Variants in CAMTA2 observed in about 807,000 individuals in gnomAD.
CAMTA2 encodes the protein calmodulin binding transcription activator 2.
CAMTA2 carries 56 observed loss-of-function variants against 135.7 expected under a neutral mutation model. The observed-to-expected ratio is 0.41, with a 90% CI of 0.33 to 0.52. The LOEUF is 0.52. Ranked by LOEUF, CAMTA2 falls within the 20% of genes least tolerant of loss-of-function variation. CAMTA2 has a pLI of 0.16. For missense variants in CAMTA2, 1,358 were observed against 1,553.4 expected, an observed-to-expected ratio of 0.87 and a Z score of 2.11; for synonymous variants, 591 against 604.6, an observed-to-expected ratio of 0.98 and a Z score of 0.33.
chr17:4,987,588 C>T lies in CAMTA2; in HGVS notation c.-65+5G>A. ...GAGAGGCGGGCGAGAGGCCCTGGCT[C>T]TTACCTCCCGGGGTCCCGCGGGTGA... On this transcript the variant is annotated splice_donor_5th_base_variant and intron_variant, in intron 1 of 22. Coordinates refer to ENST00000348066, the MANE Select transcript of CAMTA2 (RefSeq NM_015099.4). 1.3e-6 allele frequency: 2 copies of T among 1,526,272 alleles called. No homozygotes were observed. The highest frequency in any genetic ancestry group is 1.8e-6 in the Non-Finnish European group (2 of 1,142,372). The allele number at this position is 1,526,272 out of a possible 1,614,324, so 94.5% of individuals were successfully genotyped here. A position where few individuals can be genotyped will look rare whatever the true frequency, so the allele number is the denominator to read the frequency against.
intron 11 of CAMTA2, among the ~76,000 whole-genome samples, chr17:4,975,168 G>A (rs1972539303): frequency 6.6e-6 from 1 of 152,174 alleles, no homozygotes; most frequent in African/African-American, 2.4e-5. Flanking sequence ...ACAAGAAGGG[G>A]AGGCAGGAGG....
chr17:4,980,590 G>A lies in CAMTA2; in HGVS notation c.732C>T (p.Ser244=). ...GSGSLTHKCS[S]TKHRIISPKV... ...TGGGAGAGATGATGCGGTGTTTCGT[G>A]CTGCTGCATTTGTGGGTAAGGCTCC... is the stretch of plus-strand genomic sequence containing the variant. Residue 244 remains serine (S), a synonymous_variant, in exon 9 of 23, where the codon AGC becomes AGT. Coordinates refer to ENST00000348066, the MANE Select transcript of CAMTA2 (RefSeq NM_015099.4). The surrounding 1 kb of genome is among the most constrained non-coding windows in gnomAD (Gnocchi z 5.3). 6.2e-7 allele frequency: 1 copy of A among 1,614,048 alleles called. No homozygotes were observed. The highest frequency in any genetic ancestry group is 8.5e-7 in the Non-Finnish European group (1 of 1,179,980).
rs1198400700 is a variant in CAMTA2, at chr17:4,979,154, C to A, written c.1639-524G>T. Reference sequence around the variant, plus strand: ...TGCTAACACATGGAAGGGAGAGGAACAGAAAAAAGGTTAAGTTGCTGAGGA... The same window carrying A: ...TGCTAACACATGGAAGGGAGAGGAAAAGAAAAAAGGTTAAGTTGCTGAGGA... On this transcript the variant is annotated intron_variant, in intron 9 of 22. Coordinates refer to ENST00000348066, the MANE Select transcript of CAMTA2 (RefSeq NM_015099.4). 7.2e-5 allele frequency among the ~76,000 whole-genome samples: 11 copies of A among 152,074 alleles called. No homozygotes were observed. In the South Asian group the frequency reaches 2.3e-3, roughly 32 times the overall value.
At chr17:4,974,102 G>C (rs929231966) in intron 12 of CAMTA2, 2 of 531,542 alleles carry the variant, frequency 3.8e-6, no homozygotes, top group African/African-American at 3.8e-5. Context: ...GACCCACAGA[G>C]ATCTGAGCCC....
rs758129590 is a variant in CAMTA2, at chr17:4,974,427, AGCT to A, written c.1971_1973del (p.Ala658del). 1.5e-5 allele frequency: 25 copies of A among 1,613,834 alleles called. No homozygotes were observed. Among genetic ancestry groups the A allele is most frequent in the Admixed American group, 3.3e-5 (2 of 60,006 alleles). On this transcript the variant is annotated inframe_deletion, in exon 12 of 23. Coordinates refer to ENST00000348066, the MANE Select transcript of CAMTA2 (RefSeq NM_015099.4). The stretch of plus-strand genomic sequence containing the variant: ...CAGGACCCTGGCAAGGCACCTGCCC[AGCT>A]GCTGCGATCTCTGCCATCCGCTTCT...
intron 1 of CAMTA2, chr17:4,987,294 G>T (rs577577714): frequency 3.7e-6 from 5 of 1,343,630 alleles, no homozygotes; most frequent in African/African-American, 3.1e-5. Flanking sequence ...GGTCCCGCCC[G>T]CATAGAGGGA....
rs1972883317 is a variant in CAMTA2, at chr17:4,980,381, G to A, written c.941C>T (p.Ser314Phe). The change falls in exon 9 of 23, where the codon TCT becomes TTT. Residue 314 changes from serine (S) to phenylalanine (F), a missense_variant. Physicochemically the swap from Ser to Phe is radical, Grantham distance 155 (BLOSUM62 -2). Transcript: ENST00000348066. This position sits in a 1 kb window ranked among gnomAD's most constrained non-coding sequence, Gnocchi z 5.3. ...PLEIRPSPPT[S>F]RGGSSRGGTA... is the part of the protein sequence containing the mutation. The stretch of plus-strand genomic sequence containing the variant: ...GCCTCCTCTTGAAGAACCCCCTCGA[G>A]AAGTGGGAGGGCTAGGTCTGATTTC... The A allele has an allele frequency of 1.2e-6, 2 of 1,614,162 alleles. No homozygotes were observed.
At position 4,973,567 on chromosome 17, in the gene CAMTA2, C is replaced by T. The variant is rs1247789871; in HGVS notation, c.2201+18G>A. 6.2e-7 allele frequency: 1 copy of T among 1,603,440 alleles called. No individual in the cohort carries two copies. The highest frequency in any genetic ancestry group is 8.5e-7 in the Non-Finnish European group (1 of 1,176,798). On this transcript the variant is annotated intron_variant, in intron 13 of 22. Transcript: ENST00000348066. Reference sequence around the variant, plus strand: ...GTCCCAGAGGCTGCCCAGCCCTCACCCAGCTGCCCTTGCTCACCGCCACTG... The same window carrying T: ...GTCCCAGAGGCTGCCCAGCCCTCACTCAGCTGCCCTTGCTCACCGCCACTG...
In CAMTA2 at chr17:4,985,896, C is replaced by T. The variant is rs141104576; in HGVS notation, c.119G>A (p.Arg40Gln). Reference protein sequence around the residue: ...RCPLLPPERLRWNTNEEIASY... With the variant: ...RCPLLPPERLQWNTNEEIASY... ...CTAGAAAACCTCATTTGTATTCCACCGTAGCCTCTCTGGAGGCAGCAGCGG... is the reference window on the plus strand; with the variant it reads ...CTAGAAAACCTCATTTGTATTCCACTGTAGCCTCTCTGGAGGCAGCAGCGG... Residue 40 changes from arginine (R) to glutamine (Q), a missense_variant, in exon 3 of 23, where the codon CGG (arginine) becomes CAG (glutamine). Around this residue, in one of 4 missense-constraint regions of CAMTA2, gnomAD observed 105 missense variants for 190.9 expected, o/e 0.55. Coordinates refer to ENST00000348066, the MANE Select transcript of CAMTA2 (RefSeq NM_015099.4). 1.1e-5 allele frequency: 18 copies of T among 1,612,862 alleles called. No individual in the cohort carries two copies. Among genetic ancestry groups the T allele is most frequent in the Non-Finnish European group, 1.4e-5 (17 of 1,178,912 alleles).
intron 1 of CAMTA2, chr17:4,986,881 G>A (rs1009416974): frequency 1.6e-6 from 2 of 1,266,552 alleles, no homozygotes; most frequent in Non-Finnish European, 2.2e-6. Flanking sequence ...CCACCCTCCG[G>A]CTGACAGCCC....
chr17:4,970,632 G>A, intron 16 of CAMTA2, 96 bp from the exon 17 acceptor site: 3 of 1,032,098 alleles, frequency 2.9e-6, no homozygotes, highest in Non-Finnish European at 4.4e-6. Flanking sequence ...TCCCTGCCAG[G>A]TGCTGCTAAC....
chr17:4,986,832 A>C (rs1000191463), intron 1 of CAMTA2: 4 of 772,804 alleles, frequency 5.2e-6, no homozygotes, highest in Admixed American at 2.2e-5. Context: ...ACCTGATAGA[A>C]TCTGGGCCAG....
Position 4,979,863 on chromosome 17 carries a change from C to T in CAMTA2, c.1459G>A (p.Ala487Thr). 6.2e-7 allele frequency: 1 copy of T among 1,613,818 alleles called. No individual in the cohort carries two copies. Among genetic ancestry groups the T allele is most frequent in the Non-Finnish European group, 8.5e-7 (1 of 1,179,922 alleles). Residue 487 changes from alanine (A) to threonine (T), a missense_variant, in exon 9 of 23, where the codon GCC (alanine) becomes ACC (threonine). By Grantham distance (58) the Ala-to-Thr change is moderately conservative. Around this residue, in one of 4 missense-constraint regions of CAMTA2, gnomAD observed 1,077 missense variants for 1,127.5 expected, o/e 0.96. Transcript: ENST00000348066. ...GCCCCAACAGGTCCTCCAAACAAGG[C>T]CTCTCCTCTTCCTACCCTGCTTGAC... Reference protein sequence around the residue: ...EPSSRVGRGEALFGGPVGASE... With the variant: ...EPSSRVGRGETLFGGPVGASE...
intron 5 of CAMTA2, 183 bp from the exon 6 acceptor site, chr17:4,982,343 T>A: frequency 1.6e-6 from 1 of 608,658 alleles, no homozygotes. Flanking sequence ...AGATGAGCAG[T>A]GGGGCTGGGG....
rs181998165 is a variant in CAMTA2 at position 4,986,124 on chromosome 17, G to A, written c.31+68C>T. ...AGGAGAACAGAAAATCCAAGAATTA[G>A]AGGGCCACTAAAGCGTGGGGAGAAC... On this transcript the variant is annotated intron_variant, in intron 2 of 22. Transcript: ENST00000348066. 9.1e-5 allele frequency: 103 copies of A among 1,127,528 alleles called. 1 individual carries two copies. Among genetic ancestry groups the A allele is most frequent in the African/African-American group, 9.1e-5 (6 of 65,616 alleles). The allele number at this position is 1,127,528 out of a possible 1,614,324, so 69.8% of individuals were successfully genotyped here.
chr17:4,986,854 C>T, intron 1 of CAMTA2: 1 of 953,762 alleles, frequency 1.0e-6, no homozygotes, highest in Non-Finnish European at 1.6e-6. Flanking sequence ...CACCCAGATT[C>T]CCACCCTCAG....
intron 12 of CAMTA2, 127 bp downstream of exon 12, chr17:4,974,258 A>G: frequency 3.0e-6 from 2 of 664,494 alleles, no homozygotes; most frequent in Non-Finnish European, 5.4e-6. Flanking sequence ...GACGTCAGGG[A>G]GAGGGAAGAC....
Position 4,972,527 on chromosome 17 carries a change from C to A in CAMTA2, c.2513G>T (p.Ser838Ile). Residue 838 changes from serine (S) to isoleucine (I), a missense_variant, in exon 16 of 23, where the codon AGC becomes ATC. By Grantham distance (142) the Ser-to-Ile change is moderately radical (BLOSUM62 -2). Transcript: ENST00000348066. The part of the protein sequence containing the change: ...PSSSPDTGLS[S>I]VSSPSELSDG... ...CGACAGCTCCGAGGGCGAGGAGACGCTGCTCAGACCTGTGTGGGGAGGGAA... is the reference window on the plus strand; with the variant it reads ...CGACAGCTCCGAGGGCGAGGAGACGATGCTCAGACCTGTGTGGGGAGGGAA... 6.2e-7 allele frequency: 1 copy of A among 1,603,342 alleles called. No individual in the cohort carries two copies. Among genetic ancestry groups the A allele is most frequent in the Non-Finnish European group, 8.5e-7 (1 of 1,175,704 alleles).
chr17:4,968,076 GC>G lies in CAMTA2; in HGVS notation c.*679del. On this transcript the variant is annotated 3_prime_UTR_variant, in exon 23 of 23. Transcript: ENST00000348066. ...AAAGTGCCCGTGGAGCCGGCAGGAGGCCCCCGCCGCGCTAGAGAACCACAAG... is the reference window on the plus strand; with the variant it reads ...AAAGTGCCCGTGGAGCCGGCAGGAGGCCCCGCCGCGCTAGAGAACCACAAG... 2.0e-6 allele frequency: 1 copy of G among 503,240 alleles called. No individual in the cohort carries two copies. Among genetic ancestry groups the G allele is most frequent in the South Asian group, 2.5e-5 (1 of 40,606 alleles). The allele number at this position is 503,240 out of a possible 1,614,324, so 31.2% of individuals were successfully genotyped here.
Sources: gnomAD v4.1 joint callset for allele counts (sites outside exome capture counted in the v4.1 genomes callset) on GRCh38, gnomAD v4.1.1 for gene constraint, gnomAD v4.1.1 regional missense constraint, Gnocchi (gnomAD v3.1) non-coding constraint, MANE v1.5 for transcripts, NCBI Gene and HGNC (gene_info 2026-07-23, HGNC 2026-07-21) for gene names.